Variants in DLC1 observed in about 807,000 individuals in gnomAD.
DLC1 encodes the protein rho GTPase-activating protein 7.
A neutral mutation model predicts 140.3 loss-of-function variants in DLC1; 54 were observed. That is an observed-to-expected ratio of 0.38 (90% CI 0.31 to 0.48). The LOEUF is 0.48. Among genes scored for constraint, DLC1 ranks in the 20% least tolerant of loss-of-function variants. The pLI is 0.96. For missense variants in DLC1, 2,536 were observed against 1,907.0 expected, an observed-to-expected ratio of 1.33 and a Z score of -6.14; for synonymous variants, 986 against 728.1, an observed-to-expected ratio of 1.35 and a Z score of -5.70.
intron 5 of DLC1, among the ~76,000 whole-genome samples, chr8:13,282,854 C>A (rs1000928019): frequency 1.3e-5 from 2 of 152,100 alleles, no homozygotes; most frequent in Non-Finnish European, 2.9e-5. Flanking sequence ...AAAATACTAA[C>A]CCCTTGCTGT....
chr8:13,534,683 G>A (rs915158405), intron 1 of DLC1, among the ~76,000 whole-genome samples: 4 of 152,190 alleles, frequency 2.6e-5, no homozygotes, highest in African/African-American at 4.8e-5. Context: ...CTGTTTGCCT[G>A]TCATTCGCGT....
chr8:13,230,860 G>A (rs1244876580), intron 5 of DLC1, among the ~76,000 whole-genome samples: 1 of 152,126 alleles, frequency 6.6e-6, no homozygotes, highest in Non-Finnish European at 1.5e-5. Context: ...GCCTCCCAAA[G>A]TGCTGGGGTT....
At chr8:13,146,836 G>C (rs1823471918) in intron 5 of DLC1, among the ~76,000 whole-genome samples, 2 of 152,312 alleles carry the variant, frequency 1.3e-5, no homozygotes, top group South Asian at 2.1e-4. Flanking sequence ...GACACTTCTG[G>C]TTAGTGTTGA....
intron 5 of DLC1, among the ~76,000 whole-genome samples, chr8:13,177,265 T>C (rs1479938961): frequency 1.3e-5 from 2 of 152,346 alleles, no homozygotes; most frequent in African/African-American, 4.8e-5. Flanking sequence ...AACTTCATAA[T>C]GTATTTTATA....
chr8:13,107,912 G>C (rs1247871274), intron 7 of DLC1, among the ~76,000 whole-genome samples: 1 of 152,124 alleles, frequency 6.6e-6, no homozygotes, highest in Non-Finnish European at 1.5e-5. Context: ...TGGGCGTGGT[G>C]GTGGGTGCCT....
intron 2 of DLC1, among the ~76,000 whole-genome samples, chr8:13,455,162 A>C (rs1799327328): frequency 6.6e-6 from 1 of 152,206 alleles, no homozygotes; most frequent in Non-Finnish European, 1.5e-5. Flanking sequence ...TTATTTATTA[A>C]AGCAAATATT....
intron 5 of DLC1, among the ~76,000 whole-genome samples, chr8:13,228,313 C>T (rs917962145): frequency 7.4e-5 from 11 of 147,790 alleles, no homozygotes; most frequent in Admixed American, 7.4e-4. Context: ...AAAGGAAATA[C>T]ACACTTAGCA....
At chr8:13,448,294 A>G (rs1037435486) in intron 2 of DLC1, among the ~76,000 whole-genome samples, 3 of 152,092 alleles carry the variant, frequency 2.0e-5, no homozygotes, top group African/African-American at 4.8e-5. Context: ...AGCAATAGTC[A>G]TGGGATTTCC....
chr8:13,314,356 G>A (rs1832787371), intron 4 of DLC1, among the ~76,000 whole-genome samples: 1 of 148,912 alleles, frequency 6.7e-6, no homozygotes, highest in African/African-American at 2.5e-5. Flanking sequence ...ATGTAATATT[G>A]TTCAATAGAC....
intron 5 of DLC1, among the ~76,000 whole-genome samples, chr8:13,178,840 A>C (rs927435632): frequency 1.3e-5 from 2 of 152,182 alleles, no homozygotes; most frequent in Non-Finnish European, 1.5e-5. Context: ...TTCTAGTAGG[A>C]GTATAAATAA....
At chr8:13,422,955 A>G (rs1379485703) in intron 2 of DLC1, among the ~76,000 whole-genome samples, 2 of 152,172 alleles carry the variant, frequency 1.3e-5, no homozygotes, top group African/African-American at 2.4e-5. Context: ...GAAGGAAGCC[A>G]TGGAAGCGCA....
intron 1 of DLC1, among the ~76,000 whole-genome samples, chr8:13,525,202 A>T (rs1232033178): frequency 6.6e-6 from 1 of 152,204 alleles, no homozygotes; most frequent in Non-Finnish European, 1.5e-5. Flanking sequence ...CATTGGAGGA[A>T]TATATCACGA....
chr8:13,232,456 C>T (rs1829091815), intron 5 of DLC1, among the ~76,000 whole-genome samples: 1 of 152,108 alleles, frequency 6.6e-6, no homozygotes, highest in Non-Finnish European at 1.5e-5. Flanking sequence ...GCCTCAGCCT[C>T]CTGAGTAGCT....
intron 4 of DLC1, among the ~76,000 whole-genome samples, chr8:13,308,873 G>A (rs1832560783): frequency 1.3e-5 from 2 of 152,102 alleles, no homozygotes; most frequent in African/African-American, 4.8e-5. Flanking sequence ...TTTCTGAGAA[G>A]GGACCTGGAT....
chr8:13,407,990 C>A (rs1400183556), intron 2 of DLC1, among the ~76,000 whole-genome samples: 2 of 148,712 alleles, frequency 1.3e-5, no homozygotes, highest in African/African-American at 2.4e-5. Flanking sequence ...GTTATTAAAT[C>A]TCTTTTTTTA....
chr8:13,520,191 A>C (rs10105078), intron 1 of DLC1, among the ~76,000 whole-genome samples: 24,508 of 152,224 alleles, frequency 0.16, 3,204 homozygotes, highest in East Asian at 0.56. Flanking sequence ...TATTGTGGCA[A>C]TATTCACAAT....
intron 2 of DLC1, among the ~76,000 whole-genome samples, chr8:13,466,220 A>T (rs575188515): frequency 6.6e-6 from 1 of 152,262 alleles, no homozygotes; most frequent in East Asian, 1.9e-4. Context: ...CATCATCCAC[A>T]GGTCACTTCC....
chr8:13,594,542 G>A (rs746342543), intron 1 of DLC1, among the ~76,000 whole-genome samples: 1 of 151,942 alleles, frequency 6.6e-6, no homozygotes, highest in Non-Finnish European at 1.5e-5. Context: ...TCAGTTCTTC[G>A]ATTTTCTGCG....
Position 13,100,426 on chromosome 8 carries a change from G to C in DLC1, c.1911C>G (p.Phe637Leu), listed in dbSNP as rs745905826. 1.2e-6 allele frequency: 2 copies of C among 1,614,054 alleles called. No homozygotes were observed. Among genetic ancestry groups the C allele is most frequent in the Non-Finnish European group, 1.7e-6 (2 of 1,180,028 alleles). Residue 637 changes from phenylalanine to leucine, a missense_variant, in exon 9 of 18, where the codon TTC becomes TTG. By Grantham distance (22) the Phe-to-Leu change is conservative (BLOSUM62 0). Coordinates refer to ENST00000276297, the MANE Select transcript of DLC1 (RefSeq NM_182643.3). ...GTTCCTTGGGAGAGGGCAGGCTGCC[G>C]AAAGAGTCGTCATTGCCTGCCAAGT... is the stretch of plus-strand genomic sequence containing the variant. ...SSNLAGNDDS[F>L]GSLPSPKELS...
Sources: allele counts gnomAD v4.1 joint callset (sites outside exome capture counted in the v4.1 genomes callset), GRCh38; gene constraint gnomAD v4.1.1; transcripts MANE v1.5; gene names NCBI Gene and HGNC (gene_info 2026-07-23, HGNC 2026-07-21).